Variants in DNAH9 observed in about 807,000 individuals in gnomAD.
DNAH9 encodes the protein dynein axonemal heavy chain 9, also known as DNAH9 variant protein.
A neutral mutation model predicts 471.6 loss-of-function variants in DNAH9; 345 were observed. The ratio of observed to expected loss-of-function variants is 0.73; its 90% CI spans 0.67 to 0.80. The LOEUF is 0.80. Ranked by LOEUF, DNAH9 falls within the 30% of genes least tolerant of loss-of-function variation. The pLI, the probability that DNAH9 is intolerant of heterozygous loss-of-function variation, is 0.00. For missense variants in DNAH9, 5,407 were observed against 5,609.2 expected (o/e 0.96, Z 1.15); for synonymous variants, 2,093 against 2,123.6 (o/e 0.99, Z 0.40).
chr17:11,690,193 C>A lies in DNAH9; in HGVS notation c.4371C>A (p.Thr1457=), dbSNP rs773463222. 3.1e-6 allele frequency: 5 copies of A among 1,614,194 alleles called. No individual in the cohort carries two copies. Among genetic ancestry groups the A allele is most frequent in the Middle Eastern group, 1.6e-4 (1 of 6,062 alleles). ...MEFQYEPHPR[T]NVPLLCSDED... ...TCCAGTATGAGCCCCACCCACGGAC[C>A]AATGTCCCCCTCCTGTGCTCTGATG... The change falls in exon 20 of 69, where the codon ACC becomes ACA. Residue 1457 remains threonine (T), a synonymous_variant. Coordinates refer to ENST00000262442, the MANE Select transcript of DNAH9 (RefSeq NM_001372.4).
Position 11,705,231 on chromosome 17 carries a change from C to T in DNAH9, c.5552+46C>T. The T allele has an allele frequency of 2.5e-6, 4 of 1,577,522 alleles. No homozygotes were observed. The Admixed American group carries it at 5.0e-5, about 20-fold the overall frequency. ...CTGACAGCCTTACTGCTGTCTGGTTCAGGCCAGCTAGTGGGCATCTAGGGT... is the reference window on the plus strand; with the variant it reads ...CTGACAGCCTTACTGCTGTCTGGTTTAGGCCAGCTAGTGGGCATCTAGGGT... On this transcript the variant is annotated intron_variant, in intron 26 of 68. Transcript: ENST00000262442.
intron 46 of DNAH9, 148 bp from the exon 47 acceptor site, chr17:11,822,290 G>A (rs936795148): frequency 7.5e-5 from 81 of 1,086,390 alleles, no homozygotes; most frequent in Admixed American, 1.4e-4. Flanking sequence ...TCTCTTGGCT[G>A]GTGAGGCTGG....
chr17:11,658,603 G>A (rs1411637911), intron 14 of DNAH9, among the ~76,000 whole-genome samples: 2 of 152,004 alleles, frequency 1.3e-5, no homozygotes, highest in East Asian at 3.8e-4. Context: ...GACACATTTG[G>A]TAATTCACCA....
chr17:11,797,022 C>T (rs1320823470), intron 42 of DNAH9, among the ~76,000 whole-genome samples: 4 of 152,150 alleles, frequency 2.6e-5, no homozygotes, highest in African/African-American at 7.2e-5. Context: ...GGGAGTTCTA[C>T]CATAAATGCG....
intron 62 of DNAH9, chr17:11,925,236 C>T (rs946789356): frequency 8.6e-5 from 39 of 453,056 alleles, no homozygotes; most frequent in East Asian, 2.8e-4. Flanking sequence ...AACAAAAGGC[C>T]GGTGGGTCAA....
At chr17:11,656,672 A>G (rs1276494428) in intron 14 of DNAH9, among the ~76,000 whole-genome samples, 3 of 152,184 alleles carry the variant, frequency 2.0e-5, no homozygotes, top group Non-Finnish European at 4.4e-5. Context: ...TTACAAATGT[A>G]TACACTCAGG....
At chr17:11,713,361 A>G (rs1342216493) in intron 26 of DNAH9, among the ~76,000 whole-genome samples, 1 of 152,140 alleles carries the variant, frequency 6.6e-6, no homozygotes, top group Non-Finnish European at 1.5e-5. Context: ...TGCAATGAAC[A>G]TATGCATGCA....
intron 38 of DNAH9, among the ~76,000 whole-genome samples, chr17:11,772,532 G>C (rs1487699566): frequency 6.6e-6 from 1 of 152,000 alleles, no homozygotes; most frequent in African/African-American, 2.4e-5. Flanking sequence ...GTGTAATCTT[G>C]GTTCATTGTA....
intron 67 of DNAH9, among the ~76,000 whole-genome samples, chr17:11,960,910 A>C (rs1261234005): frequency 6.6e-6 from 1 of 152,220 alleles, no homozygotes; most frequent in Non-Finnish European, 1.5e-5. Flanking sequence ...AGACAGCCAA[A>C]CGCTGTCAGG....
chr17:11,864,540 A>G (rs1475170833), intron 50 of DNAH9, among the ~76,000 whole-genome samples: 4 of 150,864 alleles, frequency 2.7e-5, no homozygotes, highest in South Asian at 2.1e-4. Context: ...TATTAGGTCC[A>G]CTTGGTGCAG....
chr17:11,805,731 T>C (rs1359932695), intron 43 of DNAH9, among the ~76,000 whole-genome samples: 1 of 151,916 alleles, frequency 6.6e-6, no homozygotes, highest in Non-Finnish European at 1.5e-5. Flanking sequence ...TTTTTGTGTT[T>C]TTGTGGACAC....
At chr17:11,685,672 G>T (rs1474591975) in intron 19 of DNAH9, among the ~76,000 whole-genome samples, 4 of 152,160 alleles carry the variant, frequency 2.6e-5, no homozygotes, top group East Asian at 1.9e-4. Flanking sequence ...GGAGGAGAAG[G>T]AGAGTGTAAG....
At chr17:11,667,174 C>T (rs1417781059) in intron 15 of DNAH9, among the ~76,000 whole-genome samples, 3 of 152,148 alleles carry the variant, frequency 2.0e-5, no homozygotes, top group Non-Finnish European at 4.4e-5. Context: ...ATTCCGTAAA[C>T]TATATGCAAC....
chr17:11,957,618 A>AAACAAC (rs71142259), intron 67 of DNAH9, among the ~76,000 whole-genome samples: 2 of 150,270 alleles, frequency 1.3e-5, no homozygotes, highest in South Asian at 2.1e-4. Flanking sequence ...GATGCAGACA[A>AAACAAC]AACAACAACA....
intron 1 of DNAH9, among the ~76,000 whole-genome samples, chr17:11,602,220 A>G (rs1235559487): frequency 6.6e-6 from 1 of 152,150 alleles, no homozygotes; most frequent in Non-Finnish European, 1.5e-5. Flanking sequence ...AGATGTGCTC[A>G]CTCTGCCAGG....
At chr17:11,628,607 G>A (rs2073010833) in intron 6 of DNAH9, among the ~76,000 whole-genome samples, 1 of 152,194 alleles carries the variant, frequency 6.6e-6, no homozygotes, top group Non-Finnish European at 1.5e-5. Flanking sequence ...TGTTTGCTTG[G>A]CAGACAAGTT....
At chr17:11,915,157 C>A (rs187322929) in intron 61 of DNAH9, among the ~76,000 whole-genome samples, 1 of 152,312 alleles carries the variant, frequency 6.6e-6, no homozygotes, top group East Asian at 1.9e-4. Context: ...CTCTGCAAAC[C>A]CTTGCCATTC....
At chr17:11,704,095 G>A in intron 24 of DNAH9, 108 bp from the exon 25 acceptor site, 1 of 1,252,994 alleles carries the variant, frequency 8.0e-7, no homozygotes, top group South Asian at 1.3e-5. Flanking sequence ...GGAGGGATGG[G>A]GCTCATGTCA....
chr17:11,776,970 T>TGGTC (rs1326179889), intron 38 of DNAH9, among the ~76,000 whole-genome samples: 1 of 152,240 alleles, frequency 6.6e-6, no homozygotes, highest in African/African-American at 2.4e-5. Context: ...TACAACATAA[T>TGGTC]GGTCCGCCCT....
Sources: gnomAD v4.1 joint callset for allele counts (sites outside exome capture counted in the v4.1 genomes callset) on GRCh38, gnomAD v4.1.1 for gene constraint, MANE v1.5 for transcripts, NCBI Gene and HGNC (gene_info 2026-07-23, HGNC 2026-07-21) for gene names.